Variants in OTOGL observed in about 807,000 individuals in gnomAD.
OTOGL encodes otogelin-like protein.
In OTOGL, 285 loss-of-function variants were observed where a neutral mutation model predicts 318.5. The observed-to-expected ratio is 0.89, with a 90% CI of 0.81 to 0.99. The LOEUF (loss-of-function observed/expected upper bound fraction) is 0.99. Among genes scored for constraint, OTOGL ranks in the 50% least tolerant of loss-of-function variants. The pLI is 0.00. For synonymous variants in OTOGL, 987 were observed against 936.5 expected, an observed-to-expected ratio of 1.05 and a Z score of -0.99; for missense variants, 2,899 against 2,845.6, an observed-to-expected ratio of 1.02 and a Z score of -0.43.
chr12:80,173,214 T>G (rs969612828), intron 1 of OTOGL, among the ~76,000 whole-genome samples: 4 of 151,580 alleles, frequency 2.6e-5, no homozygotes, highest in Non-Finnish European at 5.9e-5. Flanking sequence ...ATTAAGAAAG[T>G]AAGGAGATAA....
rs1321969534 is a variant in OTOGL at position 80,358,744 on chromosome 12, A to G, written c.6195A>G (p.Val2065=). Residue 2065 remains valine, a synonymous_variant, in exon 51 of 59, where the codon GTA becomes GTG. Transcript: ENST00000547103. Reference sequence around the variant, plus strand: ...ATATGAATCTTGTGAAAGAAAATGTATCTGGTCAATGTTGCCCAACATGGC... The same window carrying G: ...ATATGAATCTTGTGAAAGAAAATGTGTCTGGTCAATGTTGCCCAACATGGC... ...AEDMNLVKEN[V]SGQCCPTWHC... 5.0e-6 allele frequency: 8 copies of G among 1,612,220 alleles called. No homozygotes were observed. The highest frequency in any genetic ancestry group is 1.7e-4 in the Middle Eastern group (1 of 6,056).
chr12:80,113,753 G>A (rs1312085191), intron 1 of OTOGL, among the ~76,000 whole-genome samples: 1 of 152,152 alleles, frequency 6.6e-6, no homozygotes, highest in African/African-American at 2.4e-5. Flanking sequence ...GGGAGTCTAA[G>A]TCTCTTTGTA....
At chr12:80,113,552 T>C (rs1869975663) in intron 1 of OTOGL, among the ~76,000 whole-genome samples, 1 of 152,202 alleles carries the variant, frequency 6.6e-6, no homozygotes, top group Non-Finnish European at 1.5e-5. Flanking sequence ...TTCCATGTAA[T>C]TGTGTGGTTT....
chr12:80,363,335 G>C (rs1274723354), intron 52 of OTOGL, among the ~76,000 whole-genome samples: 1 of 152,074 alleles, frequency 6.6e-6, no homozygotes. Flanking sequence ...TGATGAAAAT[G>C]GTGTTTGAGG....
In OTOGL at chr12:80,235,467, C is replaced by CAAAA. The variant is rs10600987; in HGVS notation, c.817+2389_817+2392dup. Among the ~76,000 whole-genome samples, 167 of 86,954 alleles carry CAAAA rather than the reference C, an allele frequency of 1.9e-3. 2 individuals are homozygous for CAAAA. The highest frequency in any genetic ancestry group is 7.1e-3 in the African/African-American group (158 of 22,326). The allele number at this position is 86,954 out of a possible 152,430, so 57.0% of individuals were successfully genotyped here. A position where few individuals can be genotyped will look rare whatever the true frequency, so the allele number is the denominator to read the frequency against. On this transcript the variant is annotated intron_variant, in intron 9 of 58. Transcript: ENST00000547103. ...TGGACAACAGAGCAAGACTCTGTCT[C>CAAAA]AAAAAAAAAAAAAAAAAAAAAAGAA...
intron 44 of OTOGL, among the ~76,000 whole-genome samples, chr12:80,345,129 A>G (rs1889099854): frequency 7.8e-6 from 1 of 128,596 alleles, no homozygotes; most frequent in African/African-American, 2.9e-5. Context: ...TATGTTATAT[A>G]TTATAATATA....
rs374656183 is a variant in OTOGL, at chr12:80,296,883, C to T, written c.2985C>T (p.Asn995=). The T allele has an allele frequency of 6.6e-5, 101 of 1,530,410 alleles. No homozygotes were observed. The highest frequency in any genetic ancestry group is 8.4e-5 in the Non-Finnish European group (96 of 1,139,684). The allele number at this position is 1,530,410 out of a possible 1,614,324, so 94.8% of individuals were successfully genotyped here. A position where few individuals can be genotyped will look rare whatever the true frequency, so the allele number is the denominator to read the frequency against. ...VIAQNKKCFD[N]DIVCSKSVLI... ...CCCAGAACAAGAAATGCTTTGACAA[C>T]GATATTGTTTGTTCTAAAAGTGTTT... Residue 995 remains asparagine, a synonymous_variant, in exon 27 of 59, where the codon AAC becomes AAT. Coordinates refer to ENST00000547103, the MANE Select transcript of OTOGL (RefSeq NM_001378609.3).
At chr12:80,346,200 G>A (rs888252750) in intron 44 of OTOGL, among the ~76,000 whole-genome samples, 20 of 152,070 alleles carry the variant, frequency 1.3e-4, no homozygotes, top group African/African-American at 4.6e-4. Flanking sequence ...AAAAGACACA[G>A]ACTATTAAGC....
chr12:80,378,081 A>G lies in OTOGL; in HGVS notation c.*33A>G, dbSNP rs368653147. The stretch of plus-strand genomic sequence containing the variant: ...GGTTCCAAGAGCTCTATACAACATC[A>G]TAACGTCAGATAGAATTAACTTTTA... On this transcript the variant is annotated 3_prime_UTR_variant, in exon 59 of 59. Transcript: ENST00000547103. The G allele has an allele frequency of 3.3e-5, 48 of 1,436,200 alleles. No individual in the cohort carries two copies. The African/African-American group carries it at 4.8e-4, about 14-fold the overall frequency. The allele number at this position is 1,436,200 out of a possible 1,614,324, so 89.0% of individuals were successfully genotyped here.
chr12:80,311,046 A>G (rs1886604305), intron 30 of OTOGL, among the ~76,000 whole-genome samples: 1 of 152,234 alleles, frequency 6.6e-6, no homozygotes, highest in African/African-American at 2.4e-5. Flanking sequence ...TTTAGAGAAC[A>G]TTGTCAAATG....
chr12:80,140,578 C>T (rs981683047), intron 1 of OTOGL, among the ~76,000 whole-genome samples: 1 of 152,156 alleles, frequency 6.6e-6, no homozygotes, highest in Admixed American at 6.6e-5. Flanking sequence ...CCCCATGGCT[C>T]TGCCATTAAC....
chr12:80,270,236 T>C, intron 23 of OTOGL, 82 bp downstream of exon 23: 1 of 1,164,810 alleles, frequency 8.6e-7, no homozygotes, highest in Non-Finnish European at 1.3e-6. Flanking sequence ...ATCAATCACC[T>C]CTTCTTCCCA....
chr12:80,176,251 T>C (rs914341743), intron 1 of OTOGL, among the ~76,000 whole-genome samples: 1 of 152,230 alleles, frequency 6.6e-6, no homozygotes, highest in Non-Finnish European at 1.5e-5. Flanking sequence ...TTTATTGAGA[T>C]ATAATTTACA....
At chr12:80,301,275 T>C (rs1885742091) in intron 27 of OTOGL, among the ~76,000 whole-genome samples, 2 of 152,226 alleles carry the variant, frequency 1.3e-5, no homozygotes, top group Non-Finnish European at 2.9e-5. Context: ...TATAGCCATG[T>C]GTTGCCCTTG....
In OTOGL at chr12:80,102,617, G is replaced by A. The variant is rs898075811; in HGVS notation, c.-20+3012G>A. On this transcript the variant is annotated intron_variant, in intron 1 of 58. Coordinates refer to ENST00000547103, the MANE Select transcript of OTOGL (RefSeq NM_001378609.3). ...GATTACTTAAACATCCTTCCTGATG[G>A]TCTCTTCCCTTCAATTTTCCCCCAC... 2.0e-5 allele frequency among the ~76,000 whole-genome samples: 3 copies of A among 152,208 alleles called. No individual in the cohort carries two copies. In the East Asian group the frequency reaches 5.8e-4, roughly 29 times the overall value.
chr12:80,156,058 G>A (rs1343521116), intron 1 of OTOGL, among the ~76,000 whole-genome samples: 1 of 152,196 alleles, frequency 6.6e-6, no homozygotes, highest in Non-Finnish European at 1.5e-5. Flanking sequence ...ATTGAAGGAT[G>A]CAAAATATTT....
intron 1 of OTOGL, among the ~76,000 whole-genome samples, chr12:80,156,512 C>A (rs749155878): frequency 6.6e-6 from 1 of 152,188 alleles, no homozygotes; most frequent in Non-Finnish European, 1.5e-5. Context: ...CTGCGTCCCC[C>A]ATACAGGTCT....
chr12:80,183,031 T>C (rs1875037471), intron 1 of OTOGL, among the ~76,000 whole-genome samples: 1 of 152,212 alleles, frequency 6.6e-6, no homozygotes, highest in Admixed American at 6.5e-5. Context: ...TTTATATCAA[T>C]AATTACCTTA....
chr12:80,148,614 G>C (rs982074642), intron 1 of OTOGL, among the ~76,000 whole-genome samples: 4 of 151,958 alleles, frequency 2.6e-5, no homozygotes, highest in Non-Finnish European at 5.9e-5. Flanking sequence ...TTGCTAGATT[G>C]GGGAAATTCT....
Sources: gnomAD v4.1 joint callset for allele counts (sites outside exome capture counted in the v4.1 genomes callset) on GRCh38, gnomAD v4.1.1 for gene constraint, MANE v1.5 for transcripts, NCBI Gene and HGNC (gene_info 2026-07-23, HGNC 2026-07-21) for gene names.